The following FKBP4 variants were observed in gnomAD, a reference collection of about 807,000 sequenced individuals.
FKBP4 encodes the protein FKBP prolyl isomerase 4.
Under a neutral mutation model 54.1 loss-of-function variants are expected in FKBP4, and 28 were observed. The observed-to-expected ratio is 0.52, with a 90% confidence interval of 0.38 to 0.71. FKBP4 has a LOEUF of 0.71. Ranked by LOEUF, FKBP4 falls within the 30% of genes least tolerant of loss-of-function variation. FKBP4 has a pLI of 0.00. For missense variants in FKBP4, 493 were observed against 574.4 expected (o/e 0.86, Z 1.45); for synonymous variants, 223 against 216.1 (o/e 1.03, Z -0.28).
intron 8 of FKBP4, 34 bp from the exon 9 acceptor site, chr12:2,801,083 T>TC: frequency 6.2e-7 from 1 of 1,610,780 alleles, no homozygotes; most frequent in South Asian, 1.1e-5. Context: ...AGCCCTGAGC[T>TC]CCCACAATGT....
In FKBP4 at chr12:2,796,176, C is replaced by T. The variant is rs137988065; in HGVS notation, c.105+932C>T. ...TCCCCATCCGCTGCTGCGTCCTCAT[C>T]CTGGCTTCCCACCGCTGAGCTCCGC... On this transcript the variant is annotated intron_variant, in intron 1 of 9. Coordinates refer to ENST00000001008, the MANE Select transcript of FKBP4 (RefSeq NM_002014.4). 5.5e-3 allele frequency: 7,018 copies of T among 1,280,228 alleles called. 23 individuals are homozygous for T. Among genetic ancestry groups the T allele is most frequent in the Non-Finnish European group, 6.4e-3 (6,322 of 983,988 alleles). 79.3% of individuals were successfully genotyped at this position (1,280,228 alleles called of 1,614,324 possible).
intron 1 of FKBP4, chr12:2,796,638 G>A: frequency 8.8e-7 from 1 of 1,130,490 alleles, no homozygotes; most frequent in Non-Finnish European, 1.1e-6. Flanking sequence ...GTTTTGAACT[G>A]TTTCTATTCT....
rs2097902998 is a variant in FKBP4 at position 2,798,340 on chromosome 12, C to G, written c.394-366C>G. Among the ~76,000 whole-genome samples, 1 of 152,208 alleles carries G rather than the reference C, an allele frequency of 6.6e-6. No individual in the cohort carries two copies. The highest frequency in any genetic ancestry group is 2.4e-5 in the African/African-American group (1 of 41,452). ...GAGCCAATCCGTGGGCCCTTGAATA[C>G]TGAGAAACTGCTGAGAGATGTTGGG... On this transcript the variant is annotated intron_variant, in intron 3 of 9. Transcript: ENST00000001008. The surrounding 1 kb of genome is among the most constrained non-coding windows in gnomAD (Gnocchi z 4.3).
Position 2,795,037 on chromosome 12 carries a change from C to A in FKBP4, c.-103C>A. On this transcript the variant is annotated 5_prime_UTR_variant, in exon 1 of 10. Transcript: ENST00000001008. This position sits in a 1 kb window ranked among gnomAD's most constrained non-coding sequence, Gnocchi z 4.3. ...CCTCGCGGTCCGCAGTCAGTGCCGC[C>A]GCGCCCGGCCTCCCGCACGCCCCGC... is the stretch of plus-strand genomic sequence containing the variant. The A allele has an allele frequency of 4.9e-6, 3 of 613,492 alleles. No individual in the cohort carries two copies. The highest frequency in any genetic ancestry group is 7.8e-5 in the South Asian group (1 of 12,784). The allele number at this position is 613,492 out of a possible 1,614,324, so 38.0% of individuals were successfully genotyped here. A position where few individuals can be genotyped will look rare whatever the true frequency, so the allele number is the denominator to read the frequency against.
At chr12:2,797,036 C>A in intron 1 of FKBP4, 102 bp from the exon 2 acceptor site, 1 of 1,523,582 alleles carries the variant, frequency 6.6e-7, no homozygotes, top group Admixed American at 2.1e-5. Flanking sequence ...AGGATGAACA[C>A]AGAGAAGTCC....
chr12:2,797,855 C>T lies in FKBP4; in HGVS notation c.377C>T (p.Ala126Val). ...AGSPPKIPPNATLVFEVELFE... is the reference protein window; with the variant it reads ...AGSPPKIPPNVTLVFEVELFE... The stretch of plus-strand genomic sequence containing the variant: ...AGTCCTCCAAAGATTCCCCCCAATG[C>T]CACGCTTGTATTTGAGGTGAGTGTT... Residue 126 changes from alanine to valine, a missense_variant, in exon 3 of 10, where the codon GCC (alanine) becomes GTC (valine). By Grantham distance (64) the Ala-to-Val change is moderately conservative (BLOSUM62 0). Transcript: ENST00000001008. 1.2e-6 allele frequency: 2 copies of T among 1,613,702 alleles called. No individual in the cohort carries two copies. Among genetic ancestry groups the T allele is most frequent in the Non-Finnish European group, 1.7e-6 (2 of 1,179,706 alleles).
chr12:2,803,058 G>T (rs2097905713), intron 9 of FKBP4, 93 bp from the exon 10 acceptor site: 1 of 896,170 alleles, frequency 1.1e-6, no homozygotes, highest in Non-Finnish European at 1.8e-6. Context: ...ACAGATGTAG[G>T]AGAATGGGTG....
rs755245084 is a variant in FKBP4 at position 2,797,326 on chromosome 12, A to C, written c.250+44A>C. The C allele has an allele frequency of 1.1e-5, 18 of 1,605,218 alleles. No individual in the cohort carries two copies. In the South Asian group the frequency reaches 2.0e-4, roughly 18 times the overall value. On this transcript the variant is annotated intron_variant, in intron 2 of 9. Coordinates refer to ENST00000001008, the MANE Select transcript of FKBP4 (RefSeq NM_002014.4). ...CTGGTAGGATAGGTTCGAGGTGGAC[A>C]CAAGCTGTCACAAGCAGAAACCATT...
chr12:2,796,416 C>T, intron 1 of FKBP4: 1 of 1,284,672 alleles, frequency 7.8e-7, no homozygotes, highest in South Asian at 1.2e-5. Flanking sequence ...TTTTACCTTT[C>T]TACTCCTCAA....
intron 9 of FKBP4, chr12:2,801,768 G>C (rs898313498): frequency 5.7e-6 from 2 of 350,132 alleles, no homozygotes; most frequent in African/African-American, 4.3e-5. Flanking sequence ...AAAGAAAAGC[G>C]AGATGCTTTT....
intron 1 of FKBP4, chr12:2,796,189 C>T (rs1257520637): frequency 9.3e-6 from 12 of 1,283,880 alleles, no homozygotes; most frequent in Admixed American, 2.3e-5. Flanking sequence ...GGCTTCCCAC[C>T]GCTGAGCTCC....
intron 1 of FKBP4, chr12:2,796,573 T>C: frequency 3.4e-6 from 4 of 1,185,468 alleles, no homozygotes; most frequent in Non-Finnish European, 4.3e-6. Flanking sequence ...AGTCAGAGTT[T>C]AAGGTCCCAT....
intron 9 of FKBP4, 189 bp downstream of exon 9, chr12:2,801,545 C>A: frequency 1.3e-6 from 1 of 787,662 alleles, no homozygotes. Flanking sequence ...GAAACCTACC[C>A]ACAAGCCCCA....
intron 9 of FKBP4, among the ~76,000 whole-genome samples, chr12:2,802,051 A>G (rs919971169): frequency 1.3e-5 from 2 of 152,196 alleles, no homozygotes; most frequent in Non-Finnish European, 2.9e-5. Context: ...GAACTTTTAC[A>G]TTCTTTCTTA....
intron 2 of FKBP4, 30 bp downstream of exon 2, chr12:2,797,312 G>T (rs768823211): frequency 6.2e-7 from 1 of 1,612,366 alleles, no homozygotes; most frequent in Non-Finnish European, 8.5e-7. Context: ...TGGTAGGATA[G>T]GTTCGAGGTG....
Position 2,798,270 on chromosome 12 carries a change from T to G in FKBP4, c.393+399T>G, listed in dbSNP as rs1211893905. 6.6e-6 allele frequency among the ~76,000 whole-genome samples: 1 copy of G among 152,176 alleles called. No individual in the cohort carries two copies. Among genetic ancestry groups the G allele is most frequent in the Non-Finnish European group, 1.5e-5 (1 of 68,032 alleles). Reference sequence around the variant, plus strand: ...GTGGGTCAAGGGCTGAGAAAAGGCTTCACTGAGGAGATAGAACTTGACATT... The same window carrying G: ...GTGGGTCAAGGGCTGAGAAAAGGCTGCACTGAGGAGATAGAACTTGACATT... On this transcript the variant is annotated intron_variant, in intron 3 of 9. Coordinates refer to ENST00000001008, the MANE Select transcript of FKBP4 (RefSeq NM_002014.4). This position sits in a 1 kb window ranked among gnomAD's most constrained non-coding sequence, Gnocchi z 4.3.
intron 8 of FKBP4, 46 bp downstream of exon 8, chr12:2,800,623 T>C (rs372262068): frequency 1.3e-4 from 201 of 1,526,018 alleles, no homozygotes; most frequent in East Asian, 6.8e-5. Context: ...ACAGGCAGAG[T>C]TGGGTGAGCT....
chr12:2,803,041 C>T (rs2097905702), intron 9 of FKBP4, 110 bp from the exon 10 acceptor site: 2 of 811,212 alleles, frequency 2.5e-6, no homozygotes, highest in South Asian at 1.6e-5. Flanking sequence ...ACAGGTATAG[C>T]TTTAGGACAG....
chr12:2,799,746 C>G, intron 5 of FKBP4, 104 bp from the exon 6 acceptor site: 1 of 967,742 alleles, frequency 1.0e-6, no homozygotes. Context: ...AACCAAGTCT[C>G]AAGGGATGGG....
Sources: gnomAD v4.1 joint callset for allele counts (sites outside exome capture counted in the v4.1 genomes callset) on GRCh38, gnomAD v4.1.1 for gene constraint, Gnocchi (gnomAD v3.1) non-coding constraint, MANE v1.5 for transcripts, NCBI Gene and HGNC (gene_info 2026-07-23, HGNC 2026-07-21) for gene names.